Variants in ACYP2 observed in about 807,000 individuals in gnomAD.
The protein encoded by ACYP2 is acylphosphatase-2.
Under a neutral mutation model 11.2 loss-of-function variants are expected in ACYP2, and 12 were observed. The observed-to-expected ratio is 1.08, with a 90% confidence interval of 0.69 to 1.74. The LOEUF (loss-of-function observed/expected upper bound fraction) is 1.74. ACYP2 is among the 40% of genes most tolerant of loss of function. The pLI is 0.00. For missense variants in ACYP2, 134 were observed against 101.9 expected (o/e 1.31, Z -1.35); for synonymous variants, 43 against 32.2 (o/e 1.33, Z -1.13).
chr2:54,031,827 G>A (rs1398366514), intron 2 of ACYP2, among the ~76,000 whole-genome samples: 1 of 152,182 alleles, frequency 6.6e-6, no homozygotes, highest in African/African-American at 2.4e-5. Flanking sequence ...TCCAACTGGT[G>A]TGAGATGGTT....
intron 2 of ACYP2, among the ~76,000 whole-genome samples, chr2:53,994,590 A>G (rs932906290): frequency 8.6e-5 from 13 of 151,936 alleles, no homozygotes; most frequent in African/African-American, 2.7e-4. Flanking sequence ...CAATAATTCG[A>G]AATTATATCG....
At chr2:54,008,851 T>A (rs879257959) in intron 2 of ACYP2, among the ~76,000 whole-genome samples, 6 of 151,980 alleles carry the variant, frequency 3.9e-5, no homozygotes, top group Non-Finnish European at 8.8e-5. Flanking sequence ...CAAAGTTGTG[T>A]CAAAAAAATA....
At chr2:54,100,347 G>C (rs1678826921) in intron 4 of ACYP2, among the ~76,000 whole-genome samples, 1 of 148,608 alleles carries the variant, frequency 6.7e-6, no homozygotes. Context: ...CTGTTGCCTA[G>C]GCTGAAGTGG....
intron 2 of ACYP2, among the ~76,000 whole-genome samples, chr2:54,016,224 A>G (rs1358030886): frequency 6.6e-6 from 1 of 152,046 alleles, no homozygotes; most frequent in African/African-American, 2.4e-5. Context: ...CTTAGCTCAC[A>G]GTGCTGTCTC....
chr2:53,996,029 G>A (rs1672557068), intron 2 of ACYP2, among the ~76,000 whole-genome samples: 1 of 152,002 alleles, frequency 6.6e-6, no homozygotes, highest in African/African-American at 2.4e-5. Context: ...AGCTACATGG[G>A]AGGCTGAGGC....
chr2:54,179,690 ACT>A (rs1461653382), intron 6 of ACYP2, among the ~76,000 whole-genome samples: 1 of 151,862 alleles, frequency 6.6e-6, no homozygotes, highest in Non-Finnish European at 1.5e-5. Context: ...ACCAGAGGTC[ACT>A]CTCATCACCA....
intron 6 of ACYP2, among the ~76,000 whole-genome samples, chr2:54,304,363 T>A (rs150394733): frequency 6.6e-6 from 1 of 152,022 alleles, no homozygotes; most frequent in African/African-American, 2.4e-5. Context: ...TATAAAAATA[T>A]TTTGATCGTT....
chr2:54,205,572 G>A (rs1244892775), intron 6 of ACYP2, among the ~76,000 whole-genome samples: 2 of 152,168 alleles, frequency 1.3e-5, no homozygotes, highest in Non-Finnish European at 2.9e-5. Context: ...TCCTGTTGCT[G>A]TGAGGTATTT....
At chr2:54,285,714 G>T (rs1689051186) in intron 6 of ACYP2, among the ~76,000 whole-genome samples, 1 of 152,172 alleles carries the variant, frequency 6.6e-6, no homozygotes. Context: ...TCTGGCCAAT[G>T]AGATGTAATC....
At chr2:54,300,789 A>C (rs1157149591) in intron 6 of ACYP2, among the ~76,000 whole-genome samples, 1 of 152,228 alleles carries the variant, frequency 6.6e-6, no homozygotes, top group Non-Finnish European at 1.5e-5. Flanking sequence ...CCTTTCAAAA[A>C]GCTGTACAAT....
At chr2:54,259,793 G>C (rs1008151683) in intron 6 of ACYP2, among the ~76,000 whole-genome samples, 4 of 152,198 alleles carry the variant, frequency 2.6e-5, no homozygotes, top group Non-Finnish European at 5.9e-5. Context: ...ACTTTCAGTG[G>C]AGTGGTGGGA....
intron 6 of ACYP2, among the ~76,000 whole-genome samples, chr2:54,220,558 A>G (rs1436528349): frequency 1.3e-5 from 2 of 152,226 alleles, no homozygotes; most frequent in African/African-American, 2.4e-5. Flanking sequence ...TCAAATGTAA[A>G]TCTCATCAAA....
intron 2 of ACYP2, among the ~76,000 whole-genome samples, chr2:54,001,404 T>C (rs770546303): frequency 6.6e-6 from 1 of 152,206 alleles, no homozygotes; most frequent in Admixed American, 6.6e-5. Context: ...ATGTATTTTT[T>C]ATTTTTGAGA....
In ACYP2 at chr2:54,076,975, G is replaced by T. The variant is rs538811897; in HGVS notation, c.277+19615G>T. On this transcript the variant is annotated intron_variant, in intron 4 of 6. Coordinates refer to ENST00000607452, the MANE Select transcript of ACYP2 (RefSeq NM_001320586.2). Reference sequence around the variant, plus strand: ...GGGTCTTCTAAATAACTGTTATTTGGAAACAAAACCGTATTGAATTTTACT... The same window carrying T: ...GGGTCTTCTAAATAACTGTTATTTGTAAACAAAACCGTATTGAATTTTACT... Among the ~76,000 whole-genome samples the T allele has an allele frequency of 9.3e-5, 14 of 151,216 alleles. No homozygotes were observed. In the East Asian group the frequency reaches 2.5e-3, roughly 27 times the overall value.
chr2:54,240,984 T>C (rs1450766252), intron 6 of ACYP2, among the ~76,000 whole-genome samples: 2 of 152,222 alleles, frequency 1.3e-5, no homozygotes, highest in African/African-American at 4.8e-5. Context: ...TTTATTTTTC[T>C]TGGTAAAGTC....
chr2:54,006,436 C>T (rs943177596), intron 2 of ACYP2, among the ~76,000 whole-genome samples: 6 of 152,036 alleles, frequency 3.9e-5, no homozygotes, highest in East Asian at 1.9e-4. Context: ...CATGAGCCAC[C>T]GCGCCCGGCC....
chr2:54,154,610 C>T (rs1248091614), intron 6 of ACYP2, among the ~76,000 whole-genome samples: 1 of 151,940 alleles, frequency 6.6e-6, no homozygotes, highest in African/African-American at 2.4e-5. Flanking sequence ...TCTTTGTATC[C>T]CTGGGATAAA....
rs746660042 is a variant in ACYP2 at position 54,115,759 on chromosome 2, A to G, written c.278-19694A>G. On this transcript the variant is annotated intron_variant, in intron 4 of 6. Coordinates refer to ENST00000607452, the MANE Select transcript of ACYP2 (RefSeq NM_001320586.2). ...CGAGGTGTTCGGAAGAGTGCAGGGT[A>G]GGAGGCCCCTCTACGGTGGGAGATC... 2.1e-5 allele frequency: 33 copies of G among 1,602,280 alleles called. No homozygotes were observed. The Admixed American group carries it at 3.9e-4, about 19-fold the overall frequency.
At chr2:54,188,433 C>G (rs1216424741) in intron 6 of ACYP2, among the ~76,000 whole-genome samples, 1 of 152,038 alleles carries the variant, frequency 6.6e-6, no homozygotes, top group African/African-American at 2.4e-5. Flanking sequence ...TTAGAAGATG[C>G]TCACTATTAT....
Sources: gnomAD v4.1 joint callset for allele counts (sites outside exome capture counted in the v4.1 genomes callset) on GRCh38, gnomAD v4.1.1 for gene constraint, MANE v1.5 for transcripts, NCBI Gene and HGNC (gene_info 2026-07-23, HGNC 2026-07-21) for gene names.